The following CNTNAP2 variants were observed in gnomAD, a reference collection of about 807,000 sequenced individuals.
The protein encoded by CNTNAP2 is contactin associated protein 2.
A neutral mutation model predicts 155.2 loss-of-function variants in CNTNAP2; 98 were observed. That is an observed-to-expected ratio of 0.63 (90% CI 0.54 to 0.75). The LOEUF (loss-of-function observed/expected upper bound fraction) is 0.75. CNTNAP2 is among the 30% of genes least tolerant of loss of function. The pLI is 0.00. For synonymous variants in CNTNAP2, 651 were observed against 631.2 expected (o/e 1.03, Z -0.47); for missense variants, 1,727 against 1,688.1 (o/e 1.02, Z -0.40).
At chr7:146,850,562 T>C (rs2129203010) in intron 3 of CNTNAP2, among the ~76,000 whole-genome samples, 1 of 152,310 alleles carries the variant, frequency 6.6e-6, no homozygotes, top group East Asian at 1.9e-4. Context: ...GATTATTATT[T>C]TTATGATTAA....
intron 13 of CNTNAP2, among the ~76,000 whole-genome samples, chr7:147,668,594 C>CAA (rs1265908489): frequency 6.7e-6 from 1 of 149,774 alleles, no homozygotes; most frequent in Non-Finnish European, 1.5e-5. Flanking sequence ...TAGTTTTTAA[C>CAA]AAAAAAGTTT....
intron 3 of CNTNAP2, among the ~76,000 whole-genome samples, chr7:146,851,835 C>G (rs1794885205): frequency 6.6e-6 from 1 of 151,834 alleles, no homozygotes; most frequent in South Asian, 2.1e-4. Flanking sequence ...TGCATGTCAC[C>G]ATGCCCAGAT....
chr7:147,073,526 T>C (rs1799939202), intron 4 of CNTNAP2, among the ~76,000 whole-genome samples: 2 of 151,934 alleles, frequency 1.3e-5, no homozygotes, highest in Admixed American at 1.3e-4. Context: ...ATTGAAACCG[T>C]GTTTGGATGA....
At chr7:147,778,337 T>C (rs1335961442) in intron 13 of CNTNAP2, among the ~76,000 whole-genome samples, 1 of 152,246 alleles carries the variant, frequency 6.6e-6, no homozygotes, top group Non-Finnish European at 1.5e-5. Flanking sequence ...AAACACAAGT[T>C]ACTTTCTTGT....
intron 15 of CNTNAP2, among the ~76,000 whole-genome samples, chr7:148,054,375 T>C (rs746023365): frequency 2.0e-5 from 3 of 151,896 alleles, no homozygotes. Context: ...TCTAGTAATC[T>C]GATTTAATCA....
intron 12 of CNTNAP2, among the ~76,000 whole-genome samples, chr7:147,590,194 T>A (rs531870928): frequency 6.6e-6 from 1 of 152,260 alleles, no homozygotes; most frequent in African/African-American, 2.4e-5. Context: ...CCTCATCCTA[T>A]CTTCTTTTAT....
chr7:146,931,047 G>C (rs1796744755), intron 3 of CNTNAP2, among the ~76,000 whole-genome samples: 1 of 151,904 alleles, frequency 6.6e-6, no homozygotes, highest in Non-Finnish European at 1.5e-5. Context: ...AGTTAACAAG[G>C]ATACCCAGGA....
intron 1 of CNTNAP2, among the ~76,000 whole-genome samples, chr7:146,588,960 T>TA (rs35818998): frequency 3.3e-5 from 5 of 151,670 alleles, no homozygotes; most frequent in South Asian, 2.1e-4. Flanking sequence ...ATTTCAGTTA[T>TA]AAAAAAAAAG....
chr7:147,959,709 A>G (rs1430224248), intron 14 of CNTNAP2, among the ~76,000 whole-genome samples: 3 of 152,076 alleles, frequency 2.0e-5, no homozygotes, highest in African/African-American at 7.2e-5. Context: ...AAGGGGTGGT[A>G]ACCCCCAGGT....
At chr7:147,241,975 A>T (rs1803947282) in intron 8 of CNTNAP2, among the ~76,000 whole-genome samples, 1 of 152,212 alleles carries the variant, frequency 6.6e-6, no homozygotes, top group Non-Finnish European at 1.5e-5. Flanking sequence ...AATGATGTAT[A>T]AAAAAATCTG....
chr7:146,945,720 C>T (rs1280164367), intron 3 of CNTNAP2, among the ~76,000 whole-genome samples: 3 of 152,150 alleles, frequency 2.0e-5, no homozygotes, highest in African/African-American at 7.2e-5. Context: ...CAATTTACTG[C>T]ATTCAGCTCC....
chr7:148,044,905 C>A (rs1802749577), intron 15 of CNTNAP2, among the ~76,000 whole-genome samples: 1 of 152,140 alleles, frequency 6.6e-6, no homozygotes, highest in Admixed American at 6.5e-5. Context: ...GTTGCCCAGA[C>A]TGGTCTTAAA....
At chr7:147,338,988 C>T (rs895448515) in intron 9 of CNTNAP2, among the ~76,000 whole-genome samples, 1 of 152,078 alleles carries the variant, frequency 6.6e-6, no homozygotes, top group Non-Finnish European at 1.5e-5. Context: ...GTACTTGTAT[C>T]TGTATTTTAA....
intron 10 of CNTNAP2, among the ~76,000 whole-genome samples, chr7:147,402,511 C>G (rs1294842792): frequency 6.6e-6 from 1 of 152,146 alleles, no homozygotes; most frequent in Non-Finnish European, 1.5e-5. Flanking sequence ...CATTGAGAGT[C>G]CTGCTTCTGG....
intron 14 of CNTNAP2, among the ~76,000 whole-genome samples, chr7:147,960,507 A>G (rs1354554125): frequency 2.6e-5 from 4 of 152,212 alleles, no homozygotes; most frequent in Non-Finnish European, 5.9e-5. Context: ...CCTGCCAAAT[A>G]TGAGAATAAT....
chr7:146,313,298 C>G lies in CNTNAP2; in HGVS notation c.97+196325C>G, dbSNP rs539527957. On this transcript the variant is annotated intron_variant, in intron 1 of 23. Transcript: ENST00000361727. ...CACTGTGGCTTTAATTTGCATTTCT[C>G]TGATGATTGGAGATGTGGAGCAGTT... 1.5e-4 allele frequency among the ~76,000 whole-genome samples: 23 copies of G among 152,242 alleles called. No homozygotes were observed. The South Asian group carries it at 2.3e-3, about 15-fold the overall frequency.
chr7:147,190,622 C>T (rs76733308), intron 8 of CNTNAP2, among the ~76,000 whole-genome samples: 61 of 152,138 alleles, frequency 4.0e-4, no homozygotes, highest in African/African-American at 1.3e-3. Context: ...GCTGGATATA[C>T]CGATGTGCAT....
chr7:148,124,273 C>T (rs576364383), intron 16 of CNTNAP2, among the ~76,000 whole-genome samples: 4 of 152,068 alleles, frequency 2.6e-5, no homozygotes, highest in Non-Finnish European at 4.4e-5. Context: ...TGTGTGTGGA[C>T]GTTTGTTTGT....
intron 1 of CNTNAP2, among the ~76,000 whole-genome samples, chr7:146,190,076 G>C (rs1168591018): frequency 6.6e-6 from 1 of 152,098 alleles, no homozygotes; most frequent in East Asian, 1.9e-4. Flanking sequence ...AATATGTCAG[G>C]TAATAACGGA....
Sources: gnomAD v4.1 joint callset for allele counts (sites outside exome capture counted in the v4.1 genomes callset) on GRCh38, gnomAD v4.1.1 for gene constraint, MANE v1.5 for transcripts, NCBI Gene and HGNC (gene_info 2026-07-23, HGNC 2026-07-21) for gene names.